TRDN: variants seen among roughly 807,000 people sequenced by gnomAD.
TRDN encodes the protein triadin in skeletal muscle.
Under a neutral mutation model 149.7 loss-of-function variants are expected in TRDN, and 161 were observed. The observed-to-expected ratio is 1.08, with a 90% confidence interval of 0.95 to 1.23. The LOEUF is 1.23. Ranked by LOEUF, TRDN falls within the 50% of genes most tolerant of loss-of-function variation. The pLI, the probability that TRDN is intolerant of heterozygous loss-of-function variation, is 0.00. For synonymous variants in TRDN, 294 were observed against 250.5 expected (o/e 1.17, Z -1.64); for missense variants, 896 against 823.5 (o/e 1.09, Z -1.08).
At chr6:123,631,197 T>C (rs906129063) in intron 1 of TRDN, among the ~76,000 whole-genome samples, 2 of 151,648 alleles carry the variant, frequency 1.3e-5, no homozygotes, top group Non-Finnish European at 2.9e-5. Flanking sequence ...ACTAATCAGG[T>C]TTATGTGATA....
intron 21 of TRDN, among the ~76,000 whole-genome samples, chr6:123,341,824 A>T (rs372793249): frequency 5.9e-5 from 9 of 152,000 alleles, no homozygotes; most frequent in African/African-American, 1.9e-4. Context: ...TATTCTAGAC[A>T]AGCTGGGCTG....
chr6:123,604,208 C>G (rs962322521), intron 1 of TRDN, among the ~76,000 whole-genome samples: 10 of 152,162 alleles, frequency 6.6e-5, no homozygotes, highest in African/African-American at 2.4e-4. Context: ...AATCACAGCA[C>G]TGTTAATCGT....
At chr6:123,374,579 T>A (rs554517019) in intron 19 of TRDN, among the ~76,000 whole-genome samples, 64 of 152,122 alleles carry the variant, frequency 4.2e-4, no homozygotes, top group African/African-American at 1.3e-3. Flanking sequence ...TAACTTTTTT[T>A]AAAAAAAGAC....
chr6:123,383,891 G>A (rs1169723202), intron 14 of TRDN, among the ~76,000 whole-genome samples: 1 of 151,986 alleles, frequency 6.6e-6, no homozygotes. Context: ...AAAAATAATC[G>A]ATTCCTGAGA....
chr6:123,292,928 G>C (rs1225658302), intron 24 of TRDN, among the ~76,000 whole-genome samples: 2 of 152,116 alleles, frequency 1.3e-5, no homozygotes, highest in African/African-American at 4.8e-5. Context: ...AATCCCTTGG[G>C]AAACATCTCT....
At chr6:123,523,565 T>C (rs1583186573) in intron 5 of TRDN, among the ~76,000 whole-genome samples, 3 of 152,048 alleles carry the variant, frequency 2.0e-5, no homozygotes, top group Admixed American at 2.0e-4. Flanking sequence ...ACCTGAGGGG[T>C]TAATGCTGGG....
intron 1 of TRDN, among the ~76,000 whole-genome samples, chr6:123,594,359 A>T (rs112971794): frequency 1.3e-5 from 2 of 152,020 alleles, no homozygotes; most frequent in Non-Finnish European, 2.9e-5. Context: ...ATATTTGTGG[A>T]TGCCTAATCC....
chr6:123,546,833 A>G (rs1465612748), intron 4 of TRDN, among the ~76,000 whole-genome samples: 1 of 152,022 alleles, frequency 6.6e-6, no homozygotes, highest in Non-Finnish European at 1.5e-5. Flanking sequence ...CCACTCCATG[A>G]CAGTGACACA....
intron 10 of TRDN, among the ~76,000 whole-genome samples, chr6:123,449,307 A>G (rs1775620795): frequency 6.6e-6 from 1 of 152,200 alleles, no homozygotes; most frequent in East Asian, 1.9e-4. Context: ...GCCCAGTGCA[A>G]GGAAATCCAA....
intron 2 of TRDN, among the ~76,000 whole-genome samples, chr6:123,550,404 T>C (rs899025343): frequency 1.3e-5 from 2 of 152,026 alleles, no homozygotes; most frequent in African/African-American, 4.8e-5. Context: ...GAAAATGCTA[T>C]GGATAGGTCA....
At chr6:123,397,988 A>G (rs970497049) in intron 12 of TRDN, among the ~76,000 whole-genome samples, 1 of 152,186 alleles carries the variant, frequency 6.6e-6, no homozygotes, top group Non-Finnish European at 1.5e-5. Flanking sequence ...ATTACAAGGA[A>G]CTTAGACTGT....
At chr6:123,572,962 G>C (rs1344772077) in intron 1 of TRDN, among the ~76,000 whole-genome samples, 1 of 152,042 alleles carries the variant, frequency 6.6e-6, no homozygotes, top group Non-Finnish European at 1.5e-5. Context: ...CTTTTAGAAT[G>C]TGTCCAATAA....
intron 24 of TRDN, among the ~76,000 whole-genome samples, chr6:123,305,392 T>C (rs948309830): frequency 6.6e-6 from 1 of 152,198 alleles, no homozygotes; most frequent in African/African-American, 2.4e-5. Flanking sequence ...TTTTAGTTAT[T>C]GTTATCTATC....
intron 39 of TRDN, among the ~76,000 whole-genome samples, chr6:123,223,720 C>CCTTCCTTCCTTA (rs1487813361): frequency 2.1e-5 from 3 of 145,160 alleles, no homozygotes; most frequent in Non-Finnish European, 4.5e-5. Flanking sequence ...TTCCTTCCTT[C>CCTTCCTTCCTTA]CTTCCTTCCT....
intron 21 of TRDN, among the ~76,000 whole-genome samples, chr6:123,340,664 C>T (rs1464134830): frequency 1.3e-5 from 2 of 151,934 alleles, no homozygotes; most frequent in Admixed American, 6.6e-5. Flanking sequence ...TTATAAGATG[C>T]TTGCTGATCT....
At chr6:123,401,237 G>A (rs866970207) in intron 12 of TRDN, among the ~76,000 whole-genome samples, 1 of 152,118 alleles carries the variant, frequency 6.6e-6, no homozygotes, top group South Asian at 2.1e-4. Context: ...AAAATGGCTA[G>A]GTTTGTAAAA....
At chr6:123,280,475 G>A (rs548309421) in intron 24 of TRDN, among the ~76,000 whole-genome samples, 1 of 152,016 alleles carries the variant, frequency 6.6e-6, no homozygotes, top group East Asian at 1.9e-4. Flanking sequence ...ATAATTTTCT[G>A]GGAATTTTCC....
intron 12 of TRDN, among the ~76,000 whole-genome samples, chr6:123,419,198 C>T (rs1046399944): frequency 2.0e-5 from 3 of 151,936 alleles, no homozygotes; most frequent in Non-Finnish European, 4.4e-5. Flanking sequence ...AGAGCCAGGG[C>T]TTCTATACCA....
intron 1 of TRDN, among the ~76,000 whole-genome samples, chr6:123,633,972 A>G (rs1453288543): frequency 1.3e-5 from 2 of 152,048 alleles, no homozygotes; most frequent in Non-Finnish European, 2.9e-5. Flanking sequence ...ACTTGAGATG[A>G]GAACAGTTAA....
Sources: allele counts gnomAD v4.1 joint callset (sites outside exome capture counted in the v4.1 genomes callset), GRCh38; gene constraint gnomAD v4.1.1; transcripts MANE v1.5; gene names NCBI Gene and HGNC (gene_info 2026-07-23, HGNC 2026-07-21).